KLF12: variants seen among roughly 807,000 people sequenced by gnomAD.
KLF12 encodes the protein KLF transcription factor 12, also known as Krueppel-like factor 12.
A neutral mutation model predicts 37.8 loss-of-function variants in KLF12; 9 were observed. The ratio of observed to expected loss-of-function variants is 0.24; its 90% confidence interval spans 0.14 to 0.42. The LOEUF is 0.42. Among genes scored for constraint, KLF12 ranks in the 10% least tolerant of loss-of-function variants. The pLI is 1.00. For missense variants in KLF12, 411 were observed against 516.0 expected, an observed-to-expected ratio of 0.80 and a Z score of 1.97; for synonymous variants, 208 against 202.1, an observed-to-expected ratio of 1.03 and a Z score of -0.25.
At chr13:73,746,776 T>C (rs1284129135) in intron 6 of KLF12, among the ~76,000 whole-genome samples, 1 of 151,700 alleles carries the variant, frequency 6.6e-6, no homozygotes, top group Admixed American at 6.6e-5. Context: ...AGAATTAGCA[T>C]ATTTCAGTTT....
chr13:73,962,728 T>C (rs1475380132), intron 2 of KLF12, among the ~76,000 whole-genome samples: 2 of 152,182 alleles, frequency 1.3e-5, no homozygotes, highest in Admixed American at 6.5e-5. Flanking sequence ...AAGAATATAC[T>C]CTGTACCATG....
intron 2 of KLF12, among the ~76,000 whole-genome samples, chr13:73,980,057 T>C (rs1891652618): frequency 6.6e-6 from 1 of 152,118 alleles, no homozygotes; most frequent in Non-Finnish European, 1.5e-5. Context: ...CCCTCAGAAA[T>C]GTGAGAAAAT....
At chr13:74,199,794 T>G in the KLF12 span, among the ~76,000 whole-genome samples, 3 of 152,286 alleles carry the variant, frequency 2.0e-5, no homozygotes, top group South Asian at 2.1e-4. Flanking sequence ...TATTCACTTT[T>G]AGATTTGCTG....
chr13:74,294,259 G>A, the KLF12 span, among the ~76,000 whole-genome samples: 1 of 152,122 alleles, frequency 6.6e-6, no homozygotes, highest in African/African-American at 2.4e-5. Flanking sequence ...AGGGAAGTCA[G>A]GGCTTTTAGG....
At chr13:73,875,145 C>T (rs1359216918) in intron 3 of KLF12, among the ~76,000 whole-genome samples, 1 of 82,946 alleles carries the variant, frequency 1.2e-5, no homozygotes, top group Non-Finnish European at 2.4e-5. Flanking sequence ...AAAAAAAGAA[C>T]TTGAACAGAT....
chr13:73,805,552 G>A (rs7338106), intron 5 of KLF12, among the ~76,000 whole-genome samples: 24,393 of 147,850 alleles, frequency 0.16, 2,746 homozygotes, highest in African/African-American at 0.32. Flanking sequence ...AGAGGTTGCA[G>A]TGATCTGAGA....
chr13:73,888,519 T>C (rs1271405616), intron 3 of KLF12, among the ~76,000 whole-genome samples: 5 of 152,212 alleles, frequency 3.3e-5, no homozygotes, highest in Admixed American at 3.3e-4. Flanking sequence ...ATAAAAACTT[T>C]TATCAGCAAA....
Position 73,821,200 on chromosome 13 carries a change from C to T in KLF12, c.671-7913G>A, listed in dbSNP as rs187813813. ...AAGTGTTAGTTGCTGCCCTAGGTTTCGCTACCTATTCTTTTCTGTCTGCCT... is the reference window on the plus strand; with the variant it reads ...AAGTGTTAGTTGCTGCCCTAGGTTTTGCTACCTATTCTTTTCTGTCTGCCT... On this transcript the variant is annotated intron_variant, in intron 4 of 7. Transcript: ENST00000377669. Among the ~76,000 whole-genome samples the T allele has an allele frequency of 6.9e-3, 1,053 of 151,952 alleles. 6 individuals are homozygous for T. Among genetic ancestry groups the T allele is most frequent in the Non-Finnish European group, 0.011 (759 of 67,830 alleles).
the KLF12 span, among the ~76,000 whole-genome samples, chr13:74,236,226 A>C: frequency 1.2e-4 from 16 of 131,494 alleles, no homozygotes; most frequent in East Asian, 2.1e-4. Flanking sequence ...TAGTTTACTG[A>C]GAATGATGAT....
chr13:73,908,749 G>T (rs1163026887), intron 3 of KLF12, among the ~76,000 whole-genome samples: 5 of 152,014 alleles, frequency 3.3e-5, no homozygotes, highest in Non-Finnish European at 7.4e-5. Context: ...CAAAGTGCTG[G>T]GATTACAGGC....
chr13:73,925,870 G>C (rs1457401707), intron 3 of KLF12, among the ~76,000 whole-genome samples: 1 of 152,132 alleles, frequency 6.6e-6, no homozygotes, highest in East Asian at 1.9e-4. Flanking sequence ...CTTCAGCGGA[G>C]GAAGGAACTG....
At chr13:73,871,835 A>AT (rs1886483098) in intron 3 of KLF12, among the ~76,000 whole-genome samples, 3 of 149,188 alleles carry the variant, frequency 2.0e-5, no homozygotes, top group Non-Finnish European at 4.4e-5. Context: ...CCCATGCTGT[A>AT]TTAAAGTTAT....
the KLF12 span, among the ~76,000 whole-genome samples, chr13:74,153,096 T>C: frequency 6.6e-6 from 1 of 151,836 alleles, no homozygotes; most frequent in Non-Finnish European, 1.5e-5. Context: ...AATTTTCACA[T>C]AGTTAGAAAA....
At chr13:73,987,915 A>G (rs1447630241) in intron 2 of KLF12, among the ~76,000 whole-genome samples, 3 of 151,626 alleles carry the variant, frequency 2.0e-5, no homozygotes, top group African/African-American at 7.3e-5. Context: ...ACAAGGAAGG[A>G]GAGGAAGGTA....
intron 2 of KLF12, among the ~76,000 whole-genome samples, chr13:73,980,020 T>C (rs897364968): frequency 2.0e-5 from 3 of 152,162 alleles, no homozygotes; most frequent in African/African-American, 7.2e-5. Flanking sequence ...AAATCCACCC[T>C]GCTGAGACCT....
At chr13:73,764,054 T>A (rs184290314) in intron 6 of KLF12, among the ~76,000 whole-genome samples, 2 of 152,264 alleles carry the variant, frequency 1.3e-5, no homozygotes, top group Admixed American at 1.3e-4. Flanking sequence ...GGAATAAAAT[T>A]AATTTGGAAG....
At chr13:73,865,286 T>C (rs1886116919) in intron 3 of KLF12, among the ~76,000 whole-genome samples, 1 of 152,064 alleles carries the variant, frequency 6.6e-6, no homozygotes. Context: ...GGACCCAAAG[T>C]GATGACATGC....
chr13:74,105,559 C>T (rs1434851310), intron 1 of KLF12, among the ~76,000 whole-genome samples: 1 of 151,796 alleles, frequency 6.6e-6, no homozygotes, highest in Non-Finnish European at 1.5e-5. Context: ...AGGGCATAGA[C>T]GGGTAGAGAA....
chr13:73,758,516 T>C (rs1413117767), intron 6 of KLF12, among the ~76,000 whole-genome samples: 4 of 152,136 alleles, frequency 2.6e-5, no homozygotes, highest in Non-Finnish European at 5.9e-5. Context: ...CACACCTGGG[T>C]ACAGTGTTGG....
Sources: gnomAD v4.1 joint callset for allele counts (sites outside exome capture counted in the v4.1 genomes callset) on GRCh38, gnomAD v4.1.1 for gene constraint, MANE v1.5 for transcripts, NCBI Gene and HGNC (gene_info 2026-07-23, HGNC 2026-07-21) for gene names.